ZNF121: variants seen among roughly 807,000 people sequenced by gnomAD.
The protein encoded by ZNF121 is zinc finger protein 121 (clone ZHC32).
In ZNF121, 1 loss-of-function variant was observed where a neutral mutation model predicts 2.4. That is an observed-to-expected ratio of 0.41 (90% CI 0.15 to 1.94). The LOEUF is 1.94. Ranked by LOEUF, ZNF121 falls within the 30% of genes most tolerant of loss-of-function variation. ZNF121 has a pLI of 0.30. For synonymous variants in ZNF121, 173 were observed against 158.6 expected (o/e 1.09, Z -0.68); for missense variants, 369 against 466.3 (o/e 0.79, Z 1.92).
At chr19:9,576,200 C>T (rs901099309) in intron 1 of ZNF121, among the ~76,000 whole-genome samples, 2 of 152,020 alleles carry the variant, frequency 1.3e-5, no homozygotes, top group Non-Finnish European at 2.9e-5. Context: ...ACAAGAGGAA[C>T]CTTGATTCAC....
intron 1 of ZNF121, among the ~76,000 whole-genome samples, chr19:9,577,587 G>A (rs972750794): frequency 2.0e-5 from 3 of 152,048 alleles, no homozygotes; most frequent in Non-Finnish European, 4.4e-5. Flanking sequence ...CATGCTCATG[G>A]ATTAGAATAT....
At chr19:9,570,637 G>T (rs908812788) in intron 1 of ZNF121, among the ~76,000 whole-genome samples, 3 of 152,108 alleles carry the variant, frequency 2.0e-5, no homozygotes, top group African/African-American at 7.2e-5. Context: ...CGCAGTCTAG[G>T]CTCACTGCAA....
chr19:9,571,828 A>G (rs931280306), intron 1 of ZNF121, among the ~76,000 whole-genome samples: 3 of 152,092 alleles, frequency 2.0e-5, no homozygotes, highest in African/African-American at 7.2e-5. Context: ...AGCTCACTAC[A>G]ACTTCAAACT....
chr19:9,568,239 A>C (rs2074148314), intron 2 of ZNF121, 64 bp from the exon 3 acceptor site: 2 of 707,616 alleles, frequency 2.8e-6, no homozygotes, highest in African/African-American at 1.8e-5. Flanking sequence ...AGGTTAAATA[A>C]GTCAGAATTA....
In ZNF121 at chr19:9,566,669, T is replaced by G. The variant is rs1455500978; in HGVS notation, c.444A>C (p.Glu148Asp). Residue 148 changes from glutamate (E) to aspartate (D), a missense_variant, in exon 4 of 4, where the codon GAA becomes GAC. Transcript: ENST00000320451. ...HTVEKPYECK[E>D]CGKFFRYSSY... ...AAGAATATCTAAAGAATTTTCCACA[T>G]TCCTTACATTCGTAGGGTTTTTCTA... is the stretch of plus-strand genomic sequence containing the variant. The G allele has an allele frequency of 6.2e-7, 1 of 1,614,084 alleles. No individual in the cohort carries two copies. Among genetic ancestry groups the G allele is most frequent in the African/African-American group, 1.3e-5 (1 of 74,952 alleles).
At chr19:9,583,943 A>T (rs528231543) in intron 1 of ZNF121, among the ~76,000 whole-genome samples, 2 of 152,214 alleles carry the variant, frequency 1.3e-5, no homozygotes, top group South Asian at 4.1e-4. Flanking sequence ...CTAAACGACT[A>T]TTTTTTTTCC....
In ZNF121 at chr19:9,564,206, AAT is replaced by A. The variant is rs1241467985; in HGVS notation, c.*1732_*1733del. ...TTTATGATTCATGGAAGGAGGTCAAAATATCAACATTAAGGCAGGTGTGGTGG... is the reference window on the plus strand; with the variant it reads ...TTTATGATTCATGGAAGGAGGTCAAAATCAACATTAAGGCAGGTGTGGTGG... On this transcript the variant is annotated 3_prime_UTR_variant, in exon 4 of 4. Coordinates refer to ENST00000320451, the MANE Select transcript of ZNF121 (RefSeq NM_001008727.5). The A allele has an allele frequency of 6.6e-6, 1 of 152,084 alleles. No individual in the cohort carries two copies. The highest frequency in any genetic ancestry group is 2.4e-5 in the African/African-American group (1 of 41,418). The allele number at this position is 152,084 out of a possible 1,614,324, so 9.4% of individuals were successfully genotyped here. A position where few individuals can be genotyped will look rare whatever the true frequency, so the allele number is the denominator to read the frequency against.
chr19:9,562,039 C>T lies in ZNF121; in HGVS notation c.*3901G>A, dbSNP rs950561415. 3.9e-5 allele frequency: 6 copies of T among 152,030 alleles called. No homozygotes were observed. The highest frequency in any genetic ancestry group is 4.8e-5 in the African/African-American group (2 of 41,382). 9.4% of individuals were successfully genotyped at this position (152,030 alleles called of 1,614,324 possible). A position where few individuals can be genotyped will look rare whatever the true frequency, so the allele number is the denominator to read the frequency against. The stretch of plus-strand genomic sequence containing the variant: ...TAGAAGTCCTGTGGCAATGTCATGT[C>T]GAATAAATCTATAACACCATTTTTT... On this transcript the variant is annotated 3_prime_UTR_variant, in exon 4 of 4. Transcript: ENST00000320451.
chr19:9,569,761 G>A (rs1464611546), intron 1 of ZNF121, among the ~76,000 whole-genome samples: 3 of 149,910 alleles, frequency 2.0e-5, no homozygotes, highest in Admixed American at 6.6e-5. Context: ...TTGAACTCCC[G>A]ACCTCAGGTG....
chr19:9,580,109 G>A (rs532560436), intron 1 of ZNF121, among the ~76,000 whole-genome samples: 4 of 151,938 alleles, frequency 2.6e-5, no homozygotes, highest in East Asian at 1.9e-4. Flanking sequence ...TGGCTAACAC[G>A]GTGAAACCTC....
At chr19:9,575,295 T>C (rs1382430456) in intron 1 of ZNF121, among the ~76,000 whole-genome samples, 2 of 152,132 alleles carry the variant, frequency 1.3e-5, no homozygotes, top group African/African-American at 2.4e-5. Context: ...TGGTGGCACA[T>C]GCCTGTAGTC....
At chr19:9,574,277 C>G (rs2074194963) in intron 1 of ZNF121, among the ~76,000 whole-genome samples, 1 of 152,052 alleles carries the variant, frequency 6.6e-6, no homozygotes, top group Non-Finnish European at 1.5e-5. Context: ...TCCCTAGTAC[C>G]TGGGATTACA....
chr19:9,574,960 A>C (rs1174435590), intron 1 of ZNF121, among the ~76,000 whole-genome samples: 1 of 152,164 alleles, frequency 6.6e-6, no homozygotes, highest in Non-Finnish European at 1.5e-5. Context: ...AAAAATGTCT[A>C]CTTTACTTTT....
intron 1 of ZNF121, among the ~76,000 whole-genome samples, chr19:9,583,736 C>T (rs1462950507): frequency 1.3e-5 from 2 of 152,060 alleles, no homozygotes; most frequent in Admixed American, 1.3e-4. Context: ...AACTCCTGAC[C>T]TCAGGTGATC....
At chr19:9,582,654 CAGG>C (rs1418671644) in intron 1 of ZNF121, among the ~76,000 whole-genome samples, 1 of 150,554 alleles carries the variant, frequency 6.6e-6, no homozygotes, top group Non-Finnish European at 1.5e-5. Context: ...GCTAGGGAGG[CAGG>C]AGAATTACTT....
Position 9,569,003 on chromosome 19 carries a change from T to C in ZNF121, c.-80A>G, listed in dbSNP as rs2074154312. The C allele has an allele frequency of 6.5e-6, 1 of 153,160 alleles. No homozygotes were observed. Among genetic ancestry groups the C allele is most frequent in the Admixed American group, 6.5e-5 (1 of 15,284 alleles). 9.5% of individuals were successfully genotyped at this position (153,160 alleles called of 1,614,324 possible). On this transcript the variant is annotated splice_region_variant and 5_prime_UTR_variant, in exon 2 of 4. Coordinates refer to ENST00000320451, the MANE Select transcript of ZNF121 (RefSeq NM_001008727.5). The stretch of plus-strand genomic sequence containing the variant: ...ACCAGGAGTGTTCTTCATACTCACC[T>C]TGGGGAACTCCGGTTGGCAATGTGC...
chr19:9,582,359 C>A (rs912694295), intron 1 of ZNF121, among the ~76,000 whole-genome samples: 1 of 152,138 alleles, frequency 6.6e-6, no homozygotes, highest in Non-Finnish European at 1.5e-5. Flanking sequence ...TTTGTTCCTG[C>A]CCCAACCTAA....
chr19:9,568,077 A>G lies in ZNF121; in HGVS notation c.3+18T>C. The G allele has an allele frequency of 6.5e-7, 1 of 1,544,094 alleles. No homozygotes were observed. The highest frequency in any genetic ancestry group is 8.8e-7 in the Non-Finnish European group (1 of 1,135,706). Reference sequence around the variant, plus strand: ...CAATCTTTTTTTGAGTGTGGTAAATAAGAAATCTTAATCTTACCATTTGTA... The same window carrying G: ...CAATCTTTTTTTGAGTGTGGTAAATGAGAAATCTTAATCTTACCATTTGTA... On this transcript the variant is annotated intron_variant, in intron 3 of 3. Coordinates refer to ENST00000320451, the MANE Select transcript of ZNF121 (RefSeq NM_001008727.5).
chr19:9,573,746 G>A (rs966273576), intron 1 of ZNF121, among the ~76,000 whole-genome samples: 3 of 150,522 alleles, frequency 2.0e-5, no homozygotes, highest in African/African-American at 7.5e-5. Context: ...GACCTTAAAA[G>A]CATTAAGAGA....
Sources: gnomAD v4.1 joint callset for allele counts (sites outside exome capture counted in the v4.1 genomes callset) on GRCh38, gnomAD v4.1.1 for gene constraint, MANE v1.5 for transcripts, NCBI Gene and HGNC (gene_info 2026-07-23, HGNC 2026-07-21) for gene names.